The following SPEF2 variants were observed in gnomAD, a reference collection of about 807,000 sequenced individuals.
The protein encoded by SPEF2 is sperm flagellar and cilia associated 2.
Under a neutral mutation model 224.6 loss-of-function variants are expected in SPEF2, and 187 were observed. That is an observed-to-expected ratio of 0.83 (90% CI 0.74 to 0.94). The LOEUF (loss-of-function observed/expected upper bound fraction) is 0.94. Ranked by LOEUF, SPEF2 falls within the 40% of genes least tolerant of loss-of-function variation. SPEF2 has a pLI of 0.00. For synonymous variants in SPEF2, 715 were observed against 707.3 expected, an observed-to-expected ratio of 1.01 and a Z score of -0.17; for missense variants, 2,170 against 2,135.6, an observed-to-expected ratio of 1.02 and a Z score of -0.32.
At chr5:35,722,649 C>T (rs1335810425) in intron 20 of SPEF2, among the ~76,000 whole-genome samples, 8 of 102,166 alleles carry the variant, frequency 7.8e-5, no homozygotes, top group African/African-American at 2.7e-4. Context: ...CCCCACCCCA[C>T]AACAGTCCCC....
intron 21 of SPEF2, among the ~76,000 whole-genome samples, chr5:35,728,207 C>T (rs1456995236): frequency 6.6e-6 from 1 of 152,116 alleles, no homozygotes; most frequent in South Asian, 2.1e-4. Flanking sequence ...GAAGTTTAAC[C>T]TTTGACTTTT....
intron 6 of SPEF2, 78 bp downstream of exon 6, chr5:35,649,503 T>C (rs1189600034): frequency 9.0e-7 from 1 of 1,108,172 alleles, no homozygotes; most frequent in Non-Finnish European, 1.3e-6. Flanking sequence ...AGAAATAGTT[T>C]ATCTGGAAGA....
Position 35,646,894 on chromosome 5 carries a change from A to C in SPEF2, c.726+87A>C, listed in dbSNP as rs967251037. On this transcript the variant is annotated intron_variant, in intron 5 of 36. Coordinates refer to ENST00000356031, the MANE Select transcript of SPEF2 (RefSeq NM_024867.4). ...GGAACATATAGAGAGACTTTCCAAA[A>C]CTTCACATTTGCTTTCCAAATTATC... The C allele has an allele frequency of 1.0e-5, 15 of 1,433,918 alleles. No homozygotes were observed. In the African/African-American group the frequency reaches 1.7e-4, roughly 16 times the overall value. 88.8% of individuals were successfully genotyped at this position (1,433,918 alleles called of 1,614,324 possible).
intron 30 of SPEF2, chr5:35,788,058 G>T (rs975869257): frequency 1.4e-6 from 1 of 702,944 alleles, no homozygotes; most frequent in Non-Finnish European, 2.6e-6. Flanking sequence ...GTGAAGTCAG[G>T]GGGAAGTCAA....
At chr5:35,713,035 C>A in intron 20 of SPEF2, 149 bp downstream of exon 20, 1 of 695,296 alleles carries the variant, frequency 1.4e-6, no homozygotes, top group East Asian at 2.8e-5. Context: ...AATATAGTCG[C>A]AAACTTTCTG....
intron 8 of SPEF2, among the ~76,000 whole-genome samples, chr5:35,662,495 C>A (rs1749880046): frequency 6.6e-6 from 1 of 152,200 alleles, no homozygotes; most frequent in East Asian, 1.9e-4. Context: ...ATCATGAAAT[C>A]TTTGCCCGTG....
rs1328429982 is a variant in SPEF2 at position 35,649,281 on chromosome 5, A to T, written c.727-80A>T. On this transcript the variant is annotated intron_variant, in intron 5 of 36. Coordinates refer to ENST00000356031, the MANE Select transcript of SPEF2 (RefSeq NM_024867.4). ...TTGAATTAGTAGTACTTGTCACTTT[A>T]TAAACTTGAATGAATGTGTAAATGA... 1.6e-5 allele frequency: 20 copies of T among 1,214,724 alleles called. No individual in the cohort carries two copies. The Admixed American group carries it at 2.1e-4, about 13-fold the overall frequency. The allele number at this position is 1,214,724 out of a possible 1,614,324, so 75.2% of individuals were successfully genotyped here.
intron 23 of SPEF2, among the ~76,000 whole-genome samples, chr5:35,744,751 C>G (rs1209714133): frequency 1.3e-5 from 2 of 152,082 alleles, no homozygotes; most frequent in Non-Finnish European, 2.9e-5. Flanking sequence ...GAGACTCTGT[C>G]TAAAAAACAA....
intron 26 of SPEF2, 103 bp from the exon 27 acceptor site, chr5:35,771,506 C>T: frequency 7.1e-7 from 1 of 1,405,546 alleles, no homozygotes; most frequent in South Asian, 1.5e-5. Flanking sequence ...CAATTGTTTA[C>T]AGTGGATTAA....
intron 30 of SPEF2, among the ~76,000 whole-genome samples, chr5:35,784,792 G>A (rs751249511): frequency 7.2e-5 from 11 of 152,040 alleles, no homozygotes; most frequent in Non-Finnish European, 1.3e-4. Flanking sequence ...TGCAGGAGAG[G>A]ATTTTCAAAG....
At chr5:35,708,804 A>C (rs1184156374) in intron 18 of SPEF2, 144 bp from the exon 19 acceptor site, 1 of 694,516 alleles carries the variant, frequency 1.4e-6, no homozygotes, top group East Asian at 2.9e-5. Context: ...TAAGGACTAG[A>C]TGATTTAAGG....
At chr5:35,644,041 C>CA (rs1026878222) in intron 3 of SPEF2, among the ~76,000 whole-genome samples, 5 of 150,106 alleles carry the variant, frequency 3.3e-5, no homozygotes, top group East Asian at 3.9e-4. Context: ...ATTATTTTTG[C>CA]AAAAAAAATA....
At chr5:35,774,108 C>T (rs985111769) in intron 28 of SPEF2, 87 bp downstream of exon 28, 31 of 1,498,680 alleles carry the variant, frequency 2.1e-5, no homozygotes, top group Non-Finnish European at 2.8e-5. Flanking sequence ...TCAATTGCCT[C>T]AGACCATGTC....
chr5:35,746,962 C>G (rs1748637934), intron 23 of SPEF2, among the ~76,000 whole-genome samples: 1 of 152,188 alleles, frequency 6.6e-6, no homozygotes, highest in Non-Finnish European at 1.5e-5. Flanking sequence ...ATCAAATTAA[C>G]AGCTGATTTC....
chr5:35,759,153 G>GTATT (rs1750875112), intron 24 of SPEF2, among the ~76,000 whole-genome samples: 1 of 151,112 alleles, frequency 6.6e-6, no homozygotes, highest in African/African-American at 2.4e-5. Context: ...TGTATGTATA[G>GTATT]TGTTTTTTGT....
intron 7 of SPEF2, among the ~76,000 whole-genome samples, chr5:35,656,484 A>T (rs1748969567): frequency 6.6e-6 from 1 of 152,208 alleles, no homozygotes; most frequent in South Asian, 2.1e-4. Context: ...ATTTCAAATT[A>T]TGAAAACTAG....
chr5:35,738,188 C>A (rs1746973497), intron 21 of SPEF2, among the ~76,000 whole-genome samples: 2 of 152,084 alleles, frequency 1.3e-5, no homozygotes, highest in South Asian at 4.1e-4. Flanking sequence ...GATGTAGTTT[C>A]TTTTGCTCTG....
intron 4 of SPEF2, among the ~76,000 whole-genome samples, chr5:35,645,173 A>G (rs551366295): frequency 6.6e-6 from 1 of 152,334 alleles, no homozygotes; most frequent in African/African-American, 2.4e-5. Flanking sequence ...GTGACTGGGT[A>G]TATGGAATGT....
intron 26 of SPEF2, chr5:35,764,611 T>C: frequency 2.2e-6 from 1 of 456,182 alleles, no homozygotes; most frequent in Non-Finnish European, 4.4e-6. Flanking sequence ...CCATGAAATA[T>C]CGCATTCAAA....
Sources: allele counts gnomAD v4.1 joint callset (sites outside exome capture counted in the v4.1 genomes callset), GRCh38; gene constraint gnomAD v4.1.1; transcripts MANE v1.5; gene names NCBI Gene and HGNC (gene_info 2026-07-23, HGNC 2026-07-21).